Variants in SNX29 observed in about 807,000 individuals in gnomAD.
SNX29 encodes the protein sorting nexin-29.
In SNX29, 78 loss-of-function variants were observed where a neutral mutation model predicts 102.1. The ratio of observed to expected loss-of-function variants is 0.76; its 90% CI spans 0.64 to 0.92. The LOEUF is 0.92. Among genes scored for constraint, SNX29 ranks in the 40% least tolerant of loss-of-function variants. The pLI is 0.00. For synonymous variants in SNX29, 580 were observed against 414.5 expected (o/e 1.40, Z -4.85); for missense variants, 1,280 against 1,061.7 (o/e 1.21, Z -2.86).
At chr16:12,519,527 C>T (rs1183669315) in intron 19 of SNX29, among the ~76,000 whole-genome samples, 2 of 152,146 alleles carry the variant, frequency 1.3e-5, no homozygotes, top group African/African-American at 2.4e-5. Flanking sequence ...GTTAATTTTT[C>T]AGAAATACAC....
intron 15 of SNX29, among the ~76,000 whole-genome samples, chr16:12,313,806 A>G (rs941894829): frequency 3.9e-5 from 6 of 152,238 alleles, no homozygotes; most frequent in African/African-American, 1.2e-4. Context: ...TCAGTAAATT[A>G]GAGCCAATCC....
chr16:12,440,651 C>T (rs907396467), intron 18 of SNX29, among the ~76,000 whole-genome samples: 1 of 139,344 alleles, frequency 7.2e-6, no homozygotes, highest in African/African-American at 2.7e-5. Context: ...GTCACGTGTT[C>T]TCATCCTTTA....
chr16:12,199,706 G>T (rs1308240801), intron 14 of SNX29, 23 bp downstream of exon 14: 1 of 1,604,936 alleles, frequency 6.2e-7, no homozygotes, highest in Non-Finnish European at 8.5e-7. Flanking sequence ...CTGAGCCCGG[G>T]TTGGGAGGGG....
At chr16:12,135,621 G>C (rs1313302129) in intron 13 of SNX29, 6 of 1,345,580 alleles carry the variant, frequency 4.5e-6, no homozygotes, top group East Asian at 3.7e-5. Flanking sequence ...TGGAGGGAGA[G>C]AGAAATCAAC....
chr16:12,478,187 G>C (rs1405081349), intron 19 of SNX29, among the ~76,000 whole-genome samples: 2 of 152,186 alleles, frequency 1.3e-5, no homozygotes, highest in Non-Finnish European at 2.9e-5. Flanking sequence ...GGGGTCCTGT[G>C]TAAGCAACCG....
rs1191825837 is a variant in SNX29, at chr16:12,568,742, G to C, written c.*113G>C. 1.4e-6 allele frequency: 2 copies of C among 1,433,818 alleles called. No individual in the cohort carries two copies. Among genetic ancestry groups the C allele is most frequent in the East Asian group, 2.4e-5 (1 of 41,020 alleles). 88.8% of individuals were successfully genotyped at this position (1,433,818 alleles called of 1,614,324 possible). A position where few individuals can be genotyped will look rare whatever the true frequency, so the allele number is the denominator to read the frequency against. ...ACAACCACGTCCACCTGGTGATCCT[G>C]AGAGCACACGATTCCCAACAGTTAC... On this transcript the variant is annotated 3_prime_UTR_variant, in exon 21 of 21. Coordinates refer to ENST00000566228, the MANE Select transcript of SNX29 (RefSeq NM_032167.5).
intron 20 of SNX29, among the ~76,000 whole-genome samples, chr16:12,555,307 C>T (rs774907543): frequency 7.3e-5 from 11 of 151,614 alleles, no homozygotes; most frequent in Non-Finnish European, 1.3e-4. Flanking sequence ...CAGTCAATCC[C>T]TCTCATAGCC....
intron 16 of SNX29, among the ~76,000 whole-genome samples, chr16:12,384,698 G>C (rs993537551): frequency 1.3e-5 from 2 of 152,064 alleles, no homozygotes; most frequent in Non-Finnish European, 2.9e-5. Context: ...TGTTTTCTTT[G>C]CTGTGCAGAA....
intron 4 of SNX29, among the ~76,000 whole-genome samples, chr16:12,030,588 T>C (rs1466076235): frequency 1.3e-5 from 2 of 152,154 alleles, no homozygotes; most frequent in Non-Finnish European, 2.9e-5. Context: ...CTCTTCTTTC[T>C]CCCCGACTTG....
In SNX29 at chr16:12,401,696, C is replaced by G. The variant is rs539342787; in HGVS notation, c.1956-1752C>G. Among the ~76,000 whole-genome samples, 36 of 152,266 alleles carry G rather than the reference C, an allele frequency of 2.4e-4. No individual in the cohort carries two copies. In the East Asian group the frequency reaches 6.6e-3, roughly 28 times the overall value. ...GAGTAAATTTTATGGAGATTTGTCTCTCTCCCATGTTAAAACTGAATGCTC... is the reference window on the plus strand; with the variant it reads ...GAGTAAATTTTATGGAGATTTGTCTGTCTCCCATGTTAAAACTGAATGCTC... On this transcript the variant is annotated intron_variant, in intron 17 of 20. Coordinates refer to ENST00000566228, the MANE Select transcript of SNX29 (RefSeq NM_032167.5).
chr16:12,565,034 C>G (rs558476322), intron 20 of SNX29, among the ~76,000 whole-genome samples: 44 of 152,218 alleles, frequency 2.9e-4, no homozygotes, highest in African/African-American at 1.0e-3. Context: ...TGGGATGAGC[C>G]TGGCACTGGC....
At chr16:12,118,769 A>G (rs905301342) in intron 11 of SNX29, among the ~76,000 whole-genome samples, 2 of 152,156 alleles carry the variant, frequency 1.3e-5, no homozygotes, top group Non-Finnish European at 2.9e-5. Context: ...TGTGAGTGGG[A>G]CAGGCAGGGT....
At chr16:12,314,213 G>C (rs2151147402) in intron 15 of SNX29, among the ~76,000 whole-genome samples, 1 of 152,314 alleles carries the variant, frequency 6.6e-6, no homozygotes, top group South Asian at 2.1e-4. Flanking sequence ...TGCCCAGGCT[G>C]GTCCCAAACT....
At chr16:12,119,334 C>G (rs1434377899) in intron 11 of SNX29, among the ~76,000 whole-genome samples, 1 of 152,184 alleles carries the variant, frequency 6.6e-6, no homozygotes, top group African/African-American at 2.4e-5. Context: ...TAAACGCTCA[C>G]TGTGTGTGTT....
chr16:12,511,827 C>T (rs1366327134), intron 19 of SNX29, among the ~76,000 whole-genome samples: 1 of 152,074 alleles, frequency 6.6e-6, no homozygotes, highest in African/African-American at 2.4e-5. Flanking sequence ...GAGCTCAAAA[C>T]CTCGGGCTGT....
chr16:12,328,629 C>A (rs895636293), intron 15 of SNX29, among the ~76,000 whole-genome samples: 1 of 152,174 alleles, frequency 6.6e-6, no homozygotes. Flanking sequence ...CACTGTCTTA[C>A]CACATTCAAA....
Position 12,027,354 on chromosome 16 carries a change from C to G in SNX29, c.157C>G (p.Leu53Val). Residue 53 changes from leucine (L) to valine (V), a missense_variant, in exon 4 of 21, where the codon CTG (leucine) becomes GTG (valine). By Grantham distance (32) the Leu-to-Val change is conservative. Coordinates refer to ENST00000566228, the MANE Select transcript of SNX29 (RefSeq NM_032167.5). ...TCTGTGTGCCCAGTTTGAAGCCGTC[C>G]TGCAGCATGGCTTGAAGAGGAGTCG... is the stretch of plus-strand genomic sequence containing the variant. ...TCLCAQFEAV[L>V]QHGLKRSRGL... 6.2e-7 allele frequency: 1 copy of G among 1,614,094 alleles called. No individual in the cohort carries two copies. Among genetic ancestry groups the G allele is most frequent in the Non-Finnish European group, 8.5e-7 (1 of 1,179,994 alleles).
Position 12,364,002 on chromosome 16 carries a change from T to C in SNX29, c.1899+7723T>C, listed in dbSNP as rs1436285234. ...ACTTGTATCACTATATATACTTTACTTTTTTTTAGAGACAGGGTCTTGCTG... is the reference window on the plus strand; with the variant it reads ...ACTTGTATCACTATATATACTTTACCTTTTTTTAGAGACAGGGTCTTGCTG... On this transcript the variant is annotated intron_variant, in intron 16 of 20. Coordinates refer to ENST00000566228, the MANE Select transcript of SNX29 (RefSeq NM_032167.5). Among the ~76,000 whole-genome samples the C allele has an allele frequency of 2.0e-5, 3 of 151,820 alleles. No individual in the cohort carries two copies. The East Asian group carries it at 5.8e-4, about 29-fold the overall frequency.
chr16:12,314,407 T>G (rs2151148202), intron 15 of SNX29, among the ~76,000 whole-genome samples: 1 of 152,396 alleles, frequency 6.6e-6, no homozygotes, highest in Non-Finnish European at 1.5e-5. Flanking sequence ...GAGTGGACTC[T>G]GGAGCCAGAC....
Sources: gnomAD v4.1 joint callset for allele counts (sites outside exome capture counted in the v4.1 genomes callset) on GRCh38, gnomAD v4.1.1 for gene constraint, MANE v1.5 for transcripts, NCBI Gene and HGNC (gene_info 2026-07-23, HGNC 2026-07-21) for gene names.